The following KYAT3 variants were observed in gnomAD, a reference collection of about 807,000 sequenced individuals.
KYAT3 encodes the protein kynurenine aminotransferase 3.
In KYAT3, 50 loss-of-function variants were observed where a neutral mutation model predicts 59.0. The observed-to-expected ratio is 0.85, with a 90% CI of 0.68 to 1.07. KYAT3 has a LOEUF of 1.07. Ranked by LOEUF, KYAT3 falls within the 50% of genes least tolerant of loss-of-function variation. The probability of loss-of-function intolerance (pLI) is 0.00; values close to 1 mark genes in which losing one functional copy is unlikely to be tolerated. For missense variants in KYAT3, 497 were observed against 533.3 expected, an observed-to-expected ratio of 0.93 and a Z score of 0.67; for synonymous variants, 148 against 177.0, an observed-to-expected ratio of 0.84 and a Z score of 1.30.
At chr1:88,959,240 C>T (rs1320384424) in intron 8 of KYAT3, among the ~76,000 whole-genome samples, 1 of 151,526 alleles carries the variant, frequency 6.6e-6, no homozygotes, top group African/African-American at 2.4e-5. Flanking sequence ...TGAGCCACTG[C>T]ACTCCAGCCT....
chr1:88,988,739 AAC>A (rs1418997565), intron 1 of KYAT3, among the ~76,000 whole-genome samples: 1 of 151,416 alleles, frequency 6.6e-6, no homozygotes, highest in African/African-American at 2.5e-5. Context: ...TCCTCTGGAT[AAC>A]AGTCACTAGT....
the KYAT3 span, among the ~76,000 whole-genome samples, chr1:88,921,263 G>A: frequency 6.6e-6 from 1 of 152,198 alleles, no homozygotes; most frequent in East Asian, 1.9e-4. Context: ...GGTAGAGGGT[G>A]AAAAGGACAA....
At chr1:88,961,333 A>G (rs778777720) in intron 7 of KYAT3, 46 bp from the exon 8 acceptor site, 6 of 1,613,564 alleles carry the variant, frequency 3.7e-6, no homozygotes, top group Non-Finnish European at 5.1e-6. Context: ...TCAACATGTG[A>G]GAAAATGATA....
chr1:88,969,782 T>A (rs928953260), intron 2 of KYAT3, among the ~76,000 whole-genome samples: 1 of 152,104 alleles, frequency 6.6e-6, no homozygotes, highest in African/African-American at 2.4e-5. Context: ...GGTGGGACTA[T>A]AGGCATATCC....
intron 2 of KYAT3, among the ~76,000 whole-genome samples, chr1:88,973,274 G>A (rs1330310499): frequency 5.9e-5 from 9 of 152,206 alleles, no homozygotes; most frequent in Non-Finnish European, 8.8e-5. Context: ...CCCAAACAAT[G>A]AGGGAATAAA....
At chr1:88,981,174 G>C (rs1454692405) in intron 2 of KYAT3, 5 of 152,286 alleles carry the variant, frequency 3.3e-5, no homozygotes, top group Middle Eastern at 6.8e-3. Context: ...CAGTGTGTTT[G>C]CCATCTTAGC....
intron 13 of KYAT3, among the ~76,000 whole-genome samples, chr1:88,941,802 C>T (rs1675245341): frequency 6.6e-6 from 1 of 152,200 alleles, no homozygotes; most frequent in South Asian, 2.1e-4. Context: ...CCTTGGTCTC[C>T]CAACATGTTG....
intron 4 of KYAT3, among the ~76,000 whole-genome samples, chr1:88,965,871 T>C (rs1282122916): frequency 6.6e-6 from 1 of 152,224 alleles, no homozygotes; most frequent in East Asian, 1.9e-4. Flanking sequence ...CTGAGTTCCT[T>C]TGAATTTTAC....
At chr1:88,977,259 C>T (rs138155897) in intron 2 of KYAT3, among the ~76,000 whole-genome samples, 4 of 151,776 alleles carry the variant, frequency 2.6e-5, no homozygotes, top group East Asian at 1.9e-4. Context: ...TGGAATGCAA[C>T]GGCGCAATCT....
chr1:88,983,940 T>G, intron 2 of KYAT3: 2 of 1,024,346 alleles, frequency 2.0e-6, no homozygotes, highest in Non-Finnish European at 2.9e-6. Flanking sequence ...TTAGGAGGAC[T>G]GAACCGCGAA....
chr1:88,963,992 C>T (rs1676243381), intron 5 of KYAT3, among the ~76,000 whole-genome samples: 1 of 152,218 alleles, frequency 6.6e-6, no homozygotes, highest in Non-Finnish European at 1.5e-5. Flanking sequence ...CACCTGAGGT[C>T]AGGAGTTCGA....
At chr1:88,982,603 CTTTT>C (rs546599173) in intron 2 of KYAT3, 1 of 1,539,092 alleles carries the variant, frequency 6.5e-7, no homozygotes. Flanking sequence ...AGTTTCCACT[CTTTT>C]TTTTGTTTCT....
At chr1:88,965,602 C>A (rs767988010) in intron 4 of KYAT3, among the ~76,000 whole-genome samples, 18 of 152,204 alleles carry the variant, frequency 1.2e-4, no homozygotes, top group Non-Finnish European at 2.1e-4. Flanking sequence ...AGCAGGGGGT[C>A]TGAAGACTCC....
chr1:88,940,797 T>C (rs1675207829), intron 13 of KYAT3, among the ~76,000 whole-genome samples: 1 of 152,246 alleles, frequency 6.6e-6, no homozygotes, highest in African/African-American at 2.4e-5. Flanking sequence ...CTGTATGTTT[T>C]TGCCGTTTCC....
intron 2 of KYAT3, chr1:88,982,633 G>T (rs1226501342): frequency 7.0e-6 from 11 of 1,569,498 alleles, no homozygotes; most frequent in Non-Finnish European, 6.9e-6. Flanking sequence ...CTGGGATTTT[G>T]GTCCAAAGTT....
At chr1:88,961,531 A>C in intron 6 of KYAT3, 25 bp from the exon 7 acceptor site, 1 of 1,584,738 alleles carries the variant, frequency 6.3e-7, no homozygotes, top group Non-Finnish European at 8.6e-7. Context: ...TGAAGATATA[A>C]TTTAATTCAA....
At chr1:88,983,441 A>C (rs1361610929) in intron 2 of KYAT3, 6 of 1,613,954 alleles carry the variant, frequency 3.7e-6, no homozygotes, top group Non-Finnish European at 4.2e-6. Flanking sequence ...ACCATCATCC[A>C]TGTGTCCTCC....
At chr1:88,927,802 G>C in the KYAT3 span, among the ~76,000 whole-genome samples, 1 of 152,156 alleles carries the variant, frequency 6.6e-6, no homozygotes, top group Admixed American at 6.5e-5. Flanking sequence ...TTTTAGAAGG[G>C]TTAGGACAAT....
intron 2 of KYAT3, chr1:88,979,396 T>G (rs1676960470): frequency 6.6e-6 from 1 of 152,202 alleles, no homozygotes; most frequent in African/African-American, 2.4e-5. Context: ...GGCTCAAGTA[T>G]CTCTTAAAAA....
Sources: allele counts gnomAD v4.1 joint callset (sites outside exome capture counted in the v4.1 genomes callset), GRCh38; gene constraint gnomAD v4.1.1; transcripts MANE v1.5; gene names NCBI Gene and HGNC (gene_info 2026-07-23, HGNC 2026-07-21).